CELF4: variants seen among roughly 807,000 people sequenced by gnomAD.
The protein encoded by CELF4 is CUG-BP- and ETR-3-like factor 4.
CELF4 carries 18 observed loss-of-function variants against 59.9 expected under a neutral mutation model. The observed-to-expected ratio is 0.30, with a 90% confidence interval of 0.21 to 0.45. CELF4 has a LOEUF of 0.45. CELF4 is among the 20% of genes least tolerant of loss of function. CELF4 has a pLI of 1.00. For missense variants in CELF4, 456 were observed against 689.0 expected (o/e 0.66, Z 3.79); for synonymous variants, 261 against 267.1 (o/e 0.98, Z 0.22).
At chr18:37,506,755 A>G (rs1183148715) in intron 1 of CELF4, among the ~76,000 whole-genome samples, 2 of 152,188 alleles carry the variant, frequency 1.3e-5, no homozygotes, top group African/African-American at 4.8e-5. Flanking sequence ...CATTAAACGC[A>G]ATGTGGCGCT....
At chr18:37,352,966 A>G (rs2098474080) in intron 2 of CELF4, among the ~76,000 whole-genome samples, 1 of 152,054 alleles carries the variant, frequency 6.6e-6, no homozygotes, top group African/African-American at 2.4e-5. Flanking sequence ...TCACGCCTGT[A>G]ATCCCAGCAC....
At chr18:37,550,010 A>T (rs1294181626) in intron 1 of CELF4, among the ~76,000 whole-genome samples, 1 of 140,930 alleles carries the variant, frequency 7.1e-6, no homozygotes, top group Non-Finnish European at 1.5e-5. Flanking sequence ...TTAACAGCTG[A>T]AGCTGGGAGG....
chr18:37,481,406 A>G (rs2099866743), intron 2 of CELF4, among the ~76,000 whole-genome samples: 1 of 152,180 alleles, frequency 6.6e-6, no homozygotes, highest in South Asian at 2.1e-4. Context: ...AGCTTGTCAT[A>G]GCACCTGGTT....
chr18:37,306,536 C>T (rs988790579), intron 3 of CELF4, among the ~76,000 whole-genome samples: 3 of 152,232 alleles, frequency 2.0e-5, no homozygotes, highest in Admixed American at 2.0e-4. Flanking sequence ...AGGAGATTTT[C>T]TCCTCCTTTG....
At chr18:37,448,924 G>A (rs1006002376) in intron 2 of CELF4, among the ~76,000 whole-genome samples, 1 of 152,224 alleles carries the variant, frequency 6.6e-6, no homozygotes, top group Admixed American at 6.5e-5. Flanking sequence ...CGCAGACACA[G>A]AGCCAGCTGA....
At chr18:37,357,766 C>T (rs1569567557) in intron 2 of CELF4, among the ~76,000 whole-genome samples, 1 of 152,212 alleles carries the variant, frequency 6.6e-6, no homozygotes, top group Admixed American at 6.5e-5. Context: ...GGAAACCTAC[C>T]TCTTGCATCA....
chr18:37,433,463 G>A (rs998039060), intron 2 of CELF4, among the ~76,000 whole-genome samples: 2 of 152,164 alleles, frequency 1.3e-5, no homozygotes, highest in South Asian at 4.2e-4. Context: ...TGAGGACAAG[G>A]ATTTTATCTC....
At chr18:37,527,389 G>A (rs1327017605) in intron 1 of CELF4, among the ~76,000 whole-genome samples, 2 of 151,980 alleles carry the variant, frequency 1.3e-5, no homozygotes, top group African/African-American at 4.8e-5. Context: ...AACCCTTTGT[G>A]CCCTCTATTA....
intron 1 of CELF4, among the ~76,000 whole-genome samples, chr18:37,495,165 C>T (rs892319656): frequency 1.3e-5 from 2 of 152,190 alleles, no homozygotes; most frequent in African/African-American, 4.8e-5. Flanking sequence ...TTAGATCTTC[C>T]TGTTTGAATT....
chr18:37,409,107 C>A (rs2099413089), intron 2 of CELF4, among the ~76,000 whole-genome samples: 1 of 152,186 alleles, frequency 6.6e-6, no homozygotes, highest in Non-Finnish European at 1.5e-5. Flanking sequence ...CGGAAGAAAC[C>A]CTGAGCCTGA....
At chr18:37,326,537 T>A (rs186910093) in intron 2 of CELF4, among the ~76,000 whole-genome samples, 285 of 152,346 alleles carry the variant, frequency 1.9e-3, no homozygotes, top group African/African-American at 6.6e-3. Flanking sequence ...GGAGGCCCTG[T>A]GGCCTTCAGT....
intron 2 of CELF4, among the ~76,000 whole-genome samples, chr18:37,436,846 C>A (rs2099694364): frequency 1.3e-5 from 2 of 152,246 alleles, no homozygotes; most frequent in South Asian, 4.1e-4. Flanking sequence ...GGGAGCTTGT[C>A]TATTCCCAGC....
At chr18:37,411,461 G>A (rs2099456550) in intron 2 of CELF4, among the ~76,000 whole-genome samples, 1 of 152,172 alleles carries the variant, frequency 6.6e-6, no homozygotes, top group Non-Finnish European at 1.5e-5. Flanking sequence ...GTGTATGTGT[G>A]TGTGCATGGC....
At chr18:37,541,289 G>A (rs549900598) in intron 1 of CELF4, among the ~76,000 whole-genome samples, 13 of 152,040 alleles carry the variant, frequency 8.6e-5, no homozygotes, top group African/African-American at 3.1e-4. Flanking sequence ...CCTAAAACAT[G>A]TTCCTTCCCA....
intron 2 of CELF4, among the ~76,000 whole-genome samples, chr18:37,444,590 GCT>G (rs892764323): frequency 7.8e-4 from 106 of 135,386 alleles, no homozygotes; most frequent in Middle Eastern, 3.6e-3. Flanking sequence ...AGAGAAACAT[GCT>G]CTCTCTCTCT....
At chr18:37,541,378 C>A (rs1348953456) in intron 1 of CELF4, among the ~76,000 whole-genome samples, 2 of 152,076 alleles carry the variant, frequency 1.3e-5, no homozygotes, top group African/African-American at 4.8e-5. Flanking sequence ...ACCCAATCCA[C>A]CAACAAGTCC....
chr18:37,473,397 G>A (rs1179484832), intron 2 of CELF4: 1 of 152,238 alleles, frequency 6.6e-6, no homozygotes, highest in Non-Finnish European at 1.5e-5. Flanking sequence ...TGGCACAGCT[G>A]TCTGCTGGCG....
chr18:37,344,612 C>T (rs189653201), intron 2 of CELF4, among the ~76,000 whole-genome samples: 109 of 152,338 alleles, frequency 7.2e-4, no homozygotes, highest in African/African-American at 2.4e-3. Flanking sequence ...AAGCTTGTTC[C>T]CTTGGAGTTA....
chr18:37,421,390 C>T (rs947912561), intron 2 of CELF4, among the ~76,000 whole-genome samples: 14 of 152,344 alleles, frequency 9.2e-5, no homozygotes, highest in African/African-American at 3.4e-4. Context: ...TCCTTAAACA[C>T]AGGGCGGTTT....
Sources: allele counts gnomAD v4.1 joint callset (sites outside exome capture counted in the v4.1 genomes callset), GRCh38; gene constraint gnomAD v4.1.1; transcripts MANE v1.5; gene names NCBI Gene and HGNC (gene_info 2026-07-23, HGNC 2026-07-21).